DRC11: variants seen among roughly 807,000 people sequenced by gnomAD.
The protein encoded by DRC11 is dynein regulatory complex subunit 11, also known as IQ and AAA domain-containing protein 1.
the DRC11 span, among the ~76,000 whole-genome samples, chr2:236,470,890 T>C: frequency 2.6e-5 from 4 of 152,174 alleles, no homozygotes; most frequent in African/African-American, 9.7e-5. This position sits in a 1 kb window ranked among gnomAD's most constrained non-coding sequence, Gnocchi z 5.1. Context: ...AAAATTTTAG[T>C]ATATAAAAAA....
chr2:236,356,939 TTA>T, the DRC11 span, among the ~76,000 whole-genome samples: 2 of 141,094 alleles, frequency 1.4e-5, no homozygotes, highest in East Asian at 2.0e-4. Flanking sequence ...TATTTATATA[TTA>T]TATATTCATA....
At chr2:236,502,833 T>C in the DRC11 span, among the ~76,000 whole-genome samples, 1 of 151,574 alleles carries the variant, frequency 6.6e-6, no homozygotes, top group African/African-American at 2.4e-5. Flanking sequence ...CATGCGCCTG[T>C]AATCCCAGCT....
the DRC11 span, among the ~76,000 whole-genome samples, chr2:236,480,460 T>G: frequency 6.6e-6 from 1 of 152,212 alleles, no homozygotes; most frequent in African/African-American, 2.4e-5. Context: ...TATTTTCAAA[T>G]AGCTTGCCTT....
the DRC11 span, among the ~76,000 whole-genome samples, chr2:236,353,824 C>T: frequency 3.3e-5 from 5 of 151,572 alleles, no homozygotes; most frequent in Admixed American, 2.6e-4. This position sits in a 1 kb window ranked among gnomAD's most constrained non-coding sequence, Gnocchi z 5.0. Context: ...GGTGCAGGGG[C>T]GTAAGGCTTA....
the DRC11 span, among the ~76,000 whole-genome samples, chr2:236,348,125 C>G: frequency 6.6e-6 from 1 of 152,204 alleles, no homozygotes; most frequent in Non-Finnish European, 1.5e-5. The surrounding 1 kb of genome is among the most constrained non-coding windows in gnomAD (Gnocchi z 7.4). Flanking sequence ...TAGTAGATCA[C>G]AGCAAAGTAT....
chr2:236,423,844 A>G, the DRC11 span, among the ~76,000 whole-genome samples: 58 of 152,286 alleles, frequency 3.8e-4, no homozygotes, highest in South Asian at 6.8e-3. Context: ...AATGTGGCAC[A>G]TATACACCAT....
chr2:236,404,607 G>A, the DRC11 span, among the ~76,000 whole-genome samples: 1 of 152,308 alleles, frequency 6.6e-6, no homozygotes, highest in South Asian at 2.1e-4. Context: ...TGGCCTTTGC[G>A]GCATGTGAAG....
the DRC11 span, among the ~76,000 whole-genome samples, chr2:236,334,844 T>G: frequency 6.6e-6 from 1 of 151,772 alleles, no homozygotes; most frequent in Non-Finnish European, 1.5e-5. This position sits in a 1 kb window ranked among gnomAD's most constrained non-coding sequence, Gnocchi z 7.8. Context: ...GGTGGGCCTG[T>G]GATGAATTGG....
the DRC11 span, among the ~76,000 whole-genome samples, chr2:236,384,470 G>T: frequency 2.0e-5 from 3 of 152,208 alleles, no homozygotes; most frequent in Non-Finnish European, 4.4e-5. Flanking sequence ...CTTCTTTTGA[G>T]AAGTGTCTGT....
At chr2:236,341,993 T>A in the DRC11 span, among the ~76,000 whole-genome samples, 1 of 152,234 alleles carries the variant, frequency 6.6e-6, no homozygotes, top group South Asian at 2.1e-4. Context: ...ACAGTGTCCC[T>A]GCGCCCGGGA....
chr2:236,338,370 G>T, the DRC11 span: 1 of 1,611,220 alleles, frequency 6.2e-7, no homozygotes. Flanking sequence ...TTTTTCAGGC[G>T]TTTAGGTTCA....
chr2:236,351,864 G>T, the DRC11 span, among the ~76,000 whole-genome samples: 2 of 151,966 alleles, frequency 1.3e-5, no homozygotes, highest in Non-Finnish European at 2.9e-5. The surrounding 1 kb of genome is among the most constrained non-coding windows in gnomAD (Gnocchi z 7.3). Flanking sequence ...CCAGTGGATG[G>T]TAATGAGGGG....
At chr2:236,308,064 G>T in the DRC11 span, among the ~76,000 whole-genome samples, 1 of 152,014 alleles carries the variant, frequency 6.6e-6, no homozygotes, top group Non-Finnish European at 1.5e-5. The surrounding 1 kb of genome is among the most constrained non-coding windows in gnomAD (Gnocchi z 6.0). Context: ...CAGTGACGCA[G>T]GCGTCCTCAT....
At chr2:236,312,664 C>T in the DRC11 span, among the ~76,000 whole-genome samples, 2 of 151,142 alleles carry the variant, frequency 1.3e-5, no homozygotes, top group Non-Finnish European at 3.0e-5. Flanking sequence ...CAAGTTAAAT[C>T]CCAAGAAATA....
the DRC11 span, chr2:236,493,921 C>T: frequency 3.8e-4 from 587 of 1,543,002 alleles, 2 homozygotes; most frequent in East Asian, 1.0e-3. Context: ...AGAGTATTTC[C>T]GTCACAATGC....
chr2:236,465,478 A>C, the DRC11 span: 1 of 1,587,676 alleles, frequency 6.3e-7, no homozygotes, highest in Non-Finnish European at 8.6e-7. This position sits in a 1 kb window ranked among gnomAD's most constrained non-coding sequence, Gnocchi z 6.2. Flanking sequence ...AACAGACTGG[A>C]TATGTCACGA....
the DRC11 span, among the ~76,000 whole-genome samples, chr2:236,503,185 C>T: frequency 1.9e-4 from 29 of 152,182 alleles, no homozygotes; most frequent in Admixed American, 1.6e-3. This position sits in a 1 kb window ranked among gnomAD's most constrained non-coding sequence, Gnocchi z 4.9. Flanking sequence ...AGGCTGCCTC[C>T]GTGAAGTTCA....
chr2:236,401,416 T>C, the DRC11 span, among the ~76,000 whole-genome samples: 1 of 152,142 alleles, frequency 6.6e-6, no homozygotes, highest in Non-Finnish European at 1.5e-5. The surrounding 1 kb of genome is among the most constrained non-coding windows in gnomAD (Gnocchi z 4.6). Context: ...AGCCCGCTTT[T>C]CCCACCAGAC....
chr2:236,410,023 G>C, the DRC11 span, among the ~76,000 whole-genome samples: 2 of 152,034 alleles, frequency 1.3e-5, no homozygotes, highest in Non-Finnish European at 1.5e-5. Flanking sequence ...GCATTTTATT[G>C]AGGATTTTTG....
Sources: allele counts gnomAD v4.1 joint callset (sites outside exome capture counted in the v4.1 genomes callset), GRCh38; gene constraint gnomAD v4.1.1; non-coding constraint Gnocchi (gnomAD v3.1); transcripts MANE v1.5; gene names NCBI Gene and HGNC (gene_info 2026-07-23, HGNC 2026-07-21).